The following SYTL2 variants were observed in gnomAD, a reference collection of about 807,000 sequenced individuals.
SYTL2 encodes the protein synaptotagmin-like protein 2.
A neutral mutation model predicts 198.7 loss-of-function variants in SYTL2; 165 were observed. The observed-to-expected ratio is 0.83, with a 90% CI of 0.73 to 0.94. The LOEUF (loss-of-function observed/expected upper bound fraction) is 0.94, where lower values mean the gene tolerates loss of function less well. Among genes scored for constraint, SYTL2 ranks in the 40% least tolerant of loss-of-function variants. The pLI, the probability that SYTL2 is intolerant of heterozygous loss-of-function variation, is 0.00. For synonymous variants in SYTL2, 966 were observed against 917.7 expected, an observed-to-expected ratio of 1.05 and a Z score of -0.95; for missense variants, 2,835 against 2,582.8, an observed-to-expected ratio of 1.10 and a Z score of -2.12.
chr11:85,760,816 T>C (rs1022141753), intron 1 of SYTL2, among the ~76,000 whole-genome samples: 3 of 152,132 alleles, frequency 2.0e-5, no homozygotes, highest in Admixed American at 2.0e-4. Context: ...TCCCTTAAAA[T>C]AGGCTGTTAG....
the SYTL2 span, among the ~76,000 whole-genome samples, chr11:85,836,953 C>T: frequency 3.3e-5 from 5 of 152,150 alleles, no homozygotes; most frequent in African/African-American, 1.2e-4. Flanking sequence ...TTCTCCACCC[C>T]ATTCCATGGC....
intron 2 of SYTL2, among the ~76,000 whole-genome samples, chr11:85,756,512 T>A (rs1003194099): frequency 6.6e-6 from 1 of 152,228 alleles, no homozygotes; most frequent in Non-Finnish European, 1.5e-5. Context: ...TTCTGACACC[T>A]ACCAGTTGTG....
chr11:85,790,056 C>A (rs905042521), intron 1 of SYTL2, among the ~76,000 whole-genome samples: 1 of 151,944 alleles, frequency 6.6e-6, no homozygotes, highest in Non-Finnish European at 1.5e-5. Flanking sequence ...AAGACTAAAC[C>A]CAGATTCGTT....
chr11:85,812,792 G>A (rs1169810708), upstream of SYTL2, among the ~76,000 whole-genome samples: 1 of 151,010 alleles, frequency 6.6e-6, no homozygotes, highest in East Asian at 1.9e-4. Flanking sequence ...TGTTGGAGGA[G>A]TGGCTGTACC....
At chr11:85,843,041 C>T in the SYTL2 span, among the ~76,000 whole-genome samples, 3 of 152,146 alleles carry the variant, frequency 2.0e-5, no homozygotes, top group African/African-American at 7.2e-5. Context: ...ACTGCTGAAA[C>T]TTGAAGCTTG....
At chr11:85,794,770 C>A (rs1229554148) in intron 1 of SYTL2, among the ~76,000 whole-genome samples, 1 of 152,080 alleles carries the variant, frequency 6.6e-6, no homozygotes, top group Non-Finnish European at 1.5e-5. Context: ...ATTTGTATTT[C>A]TTTCTGAAAA....
At chr11:85,762,686 T>G (rs2092131588) in intron 1 of SYTL2, among the ~76,000 whole-genome samples, 1 of 152,232 alleles carries the variant, frequency 6.6e-6, no homozygotes, top group Non-Finnish European at 1.5e-5. Flanking sequence ...AGCATTTCCC[T>G]GGTTAATACT....
chr11:85,746,724 C>A (rs1287043734), intron 3 of SYTL2, among the ~76,000 whole-genome samples: 2 of 152,200 alleles, frequency 1.3e-5, no homozygotes, highest in Non-Finnish European at 2.9e-5. Context: ...CTGGTACTAA[C>A]CAGTACCCTC....
chr11:85,704,762 G>T, intron 16 of SYTL2, 96 bp downstream of exon 16: 1 of 976,694 alleles, frequency 1.0e-6, no homozygotes, highest in Non-Finnish European at 1.5e-6. Context: ...CCAAACTACA[G>T]ATCTGTACTC....
intron 16 of SYTL2, among the ~76,000 whole-genome samples, chr11:85,701,241 T>A (rs975086400): frequency 6.6e-6 from 1 of 152,252 alleles, no homozygotes; most frequent in African/African-American, 2.4e-5. Context: ...TAATGAGATA[T>A]CTTAGGGATG....
intron 1 of SYTL2, among the ~76,000 whole-genome samples, chr11:85,773,596 GGAA>G (rs2092399271): frequency 6.6e-6 from 1 of 152,154 alleles, no homozygotes; most frequent in South Asian, 2.1e-4. Flanking sequence ...GAGCTCTCCT[GGAA>G]GAAGGAGATG....
At position 85,810,957 on chromosome 11, in the gene SYTL2, C is replaced by G. The variant is rs1489216967; in HGVS notation, c.-393G>C. 4 of 152,250 alleles carry G rather than the reference C, an allele frequency of 2.6e-5. No homozygotes were observed. Among genetic ancestry groups the G allele is most frequent in the African/African-American group, 9.7e-5 (4 of 41,446 alleles). 9.4% of individuals were successfully genotyped at this position (152,250 alleles called of 1,614,324 possible). A position where few individuals can be genotyped will look rare whatever the true frequency, so the allele number is the denominator to read the frequency against. On this transcript the variant is annotated 5_prime_UTR_variant, in exon 1 of 20. Coordinates refer to ENST00000359152, the MANE Select transcript of SYTL2 (RefSeq NM_206927.4). The stretch of plus-strand genomic sequence containing the variant: ...AGACTGGAACCCGAGTGCGCACCTC[C>G]GAGTCGCTGCCGGGCAGGGAGCGCG...
chr11:85,705,445 G>A (rs564386651), intron 15 of SYTL2, among the ~76,000 whole-genome samples: 17 of 151,942 alleles, frequency 1.1e-4, no homozygotes, highest in Non-Finnish European at 2.2e-4. Context: ...AGCAGTTTTC[G>A]GTTTACAGCA....
chr11:85,722,215 G>C (rs1050477319), intron 8 of SYTL2, among the ~76,000 whole-genome samples: 1 of 106,330 alleles, frequency 9.4e-6, no homozygotes, highest in Non-Finnish European at 1.7e-5. Context: ...GTCTTGCTCT[G>C]TAGCCCAGGC....
intron 1 of SYTL2, among the ~76,000 whole-genome samples, chr11:85,800,353 G>A (rs111985345): frequency 0.011 from 1,636 of 152,254 alleles, 35 homozygotes; most frequent in African/African-American, 0.037. Flanking sequence ...ATGGCTCACT[G>A]CACCCTTGAT....
At position 85,726,370 on chromosome 11, in the gene SYTL2, G is replaced by A; in HGVS notation, c.2988C>T (p.Asn996=). 1 of 1,613,818 alleles carries A rather than the reference G, an allele frequency of 6.2e-7. No homozygotes were observed. Among genetic ancestry groups the A allele is most frequent in the Non-Finnish European group, 8.5e-7 (1 of 1,179,930 alleles). Reference sequence around the variant, plus strand: ...TAATATTCTTGTCATTATCCTTACTGTTTGAATTAGCTTCTAAGTCCCAAA... The same window carrying A: ...TAATATTCTTGTCATTATCCTTACTATTTGAATTAGCTTCTAAGTCCCAAA... ...RKFWDLEANS[N]SKDNDKNITT... is the part of the protein sequence containing the mutation. Residue 996 remains asparagine, a synonymous_variant, in exon 8 of 20, where the codon AAC becomes AAT. Coordinates refer to ENST00000359152, the MANE Select transcript of SYTL2 (RefSeq NM_206927.4).
intron 1 of SYTL2, among the ~76,000 whole-genome samples, chr11:85,810,328 G>A (rs1307519376): frequency 6.6e-6 from 1 of 152,160 alleles, no homozygotes; most frequent in East Asian, 1.9e-4. Context: ...GACGCGGCAG[G>A]ATGGGTGCAG....
At chr11:85,747,864 G>T (rs1404260107) in intron 3 of SYTL2, among the ~76,000 whole-genome samples, 2 of 152,134 alleles carry the variant, frequency 1.3e-5, no homozygotes, top group African/African-American at 4.8e-5. Context: ...CTTAAATAAT[G>T]TACTTGGTTA....
the SYTL2 span, among the ~76,000 whole-genome samples, chr11:85,819,196 C>A: frequency 9.9e-5 from 15 of 152,060 alleles, no homozygotes; most frequent in Non-Finnish European, 2.1e-4. Flanking sequence ...ATTGTGCTTA[C>A]TTGTTTGCAA....
Sources: gnomAD v4.1 joint callset for allele counts (sites outside exome capture counted in the v4.1 genomes callset) on GRCh38, gnomAD v4.1.1 for gene constraint, MANE v1.5 for transcripts, NCBI Gene and HGNC (gene_info 2026-07-23, HGNC 2026-07-21) for gene names.